PPP1R21: variants seen among roughly 807,000 people sequenced by gnomAD.
The protein encoded by PPP1R21 is KLRAQ motif containing 1.
PPP1R21 carries 85 observed loss-of-function variants against 112.8 expected under a neutral mutation model. The ratio of observed to expected loss-of-function variants is 0.75; its 90% confidence interval spans 0.63 to 0.90. The LOEUF is 0.90. Among genes scored for constraint, PPP1R21 ranks in the 40% least tolerant of loss-of-function variants. The pLI, the probability that PPP1R21 is intolerant of heterozygous loss-of-function variation, is 0.00. For missense variants in PPP1R21, 1,199 were observed against 901.5 expected, an observed-to-expected ratio of 1.33 and a Z score of -4.23; for synonymous variants, 381 against 322.3, an observed-to-expected ratio of 1.18 and a Z score of -1.95.
intron 19 of PPP1R21, among the ~76,000 whole-genome samples, chr2:48,509,054 G>A (rs998572887): frequency 3.9e-5 from 6 of 152,078 alleles, no homozygotes; most frequent in African/African-American, 1.4e-4. Flanking sequence ...AAAGTTTAGT[G>A]AGCCTTTTAA....
chr2:48,508,891 C>T (rs915765917), intron 19 of PPP1R21, among the ~76,000 whole-genome samples: 1 of 152,096 alleles, frequency 6.6e-6, no homozygotes, highest in African/African-American at 2.4e-5. Flanking sequence ...AATTGTGATT[C>T]AAGAATTTTT....
At chr2:48,463,779 A>G (rs1449523443) in intron 7 of PPP1R21, among the ~76,000 whole-genome samples, 1 of 151,936 alleles carries the variant, frequency 6.6e-6, no homozygotes, top group Admixed American at 6.6e-5. Context: ...AGAAGGGCCC[A>G]GGAGGACGGT....
intron 16 of PPP1R21, 83 bp downstream of exon 16, chr2:48,495,854 T>G (rs1309916759): frequency 2.5e-6 from 2 of 794,338 alleles, no homozygotes; most frequent in Non-Finnish European, 4.4e-6. Flanking sequence ...ATACGTAGAA[T>G]GATTCAAAAG....
chr2:48,504,042 G>T (rs1670258063), intron 17 of PPP1R21, among the ~76,000 whole-genome samples: 1 of 151,984 alleles, frequency 6.6e-6, no homozygotes, highest in Non-Finnish European at 1.5e-5. Context: ...TCATAACCCG[G>T]GAGTAAGGGG....
Position 48,452,518 on chromosome 2 carries a change from T to C in PPP1R21, c.126+1442T>C, listed in dbSNP as rs543357000. ...TAAGAATTATAAGCATAATTATATA[T>C]TATAATTATATAATATAAATTATGA... On this transcript the variant is annotated intron_variant, in intron 2 of 21. Coordinates refer to ENST00000294952, the MANE Select transcript of PPP1R21 (RefSeq NM_001135629.3). 2.1e-4 allele frequency among the ~76,000 whole-genome samples: 31 copies of C among 150,216 alleles called. 1 individual carries two copies. Among genetic ancestry groups the C allele is most frequent in the Non-Finnish European group, 2.2e-4 (15 of 67,604 alleles).
intron 16 of PPP1R21, among the ~76,000 whole-genome samples, chr2:48,497,884 C>G (rs1159522157): frequency 1.3e-5 from 2 of 152,084 alleles, no homozygotes; most frequent in African/African-American, 2.4e-5. Context: ...ATCTCCTGAC[C>G]TCGTGATCAG....
At chr2:48,495,570 A>T (rs1185187398) in intron 15 of PPP1R21, 109 bp from the exon 16 acceptor site, 5 of 655,250 alleles carry the variant, frequency 7.6e-6, no homozygotes, top group Non-Finnish European at 1.4e-5. Context: ...GCTTTGACAT[A>T]CATCTGAATT....
chr2:48,490,009 C>A (rs1306885940), intron 14 of PPP1R21, among the ~76,000 whole-genome samples: 4 of 152,108 alleles, frequency 2.6e-5, no homozygotes, highest in African/African-American at 9.6e-5. Context: ...CGTGCCACCG[C>A]CCTCCAGCCT....
At chr2:48,490,921 C>A in intron 14 of PPP1R21, 97 bp from the exon 15 acceptor site, 3 of 1,047,264 alleles carry the variant, frequency 2.9e-6, no homozygotes, top group South Asian at 1.5e-5. Flanking sequence ...CATTTCCATT[C>A]TCAACATCTT....
At chr2:48,479,556 G>C (rs1235630053) in intron 12 of PPP1R21, 1 of 485,196 alleles carries the variant, frequency 2.1e-6, no homozygotes, top group Non-Finnish European at 4.2e-6. Flanking sequence ...GTGATATTTG[G>C]GTAAGAGTGT....
chr2:48,486,255 A>G (rs546294855), intron 13 of PPP1R21, among the ~76,000 whole-genome samples: 1 of 152,148 alleles, frequency 6.6e-6, no homozygotes, highest in Non-Finnish European at 1.5e-5. Flanking sequence ...TGGGTTGTTT[A>G]TATAAATACA....
At chr2:48,474,017 C>T (rs1459667240) in intron 11 of PPP1R21, among the ~76,000 whole-genome samples, 1 of 152,124 alleles carries the variant, frequency 6.6e-6, no homozygotes. Context: ...CTGTTTAATT[C>T]ATTTTCTTTA....
chr2:48,500,132 C>G (rs1049605778), intron 17 of PPP1R21, among the ~76,000 whole-genome samples: 1 of 152,080 alleles, frequency 6.6e-6, no homozygotes, highest in African/African-American at 2.4e-5. Flanking sequence ...CAGATTTTAT[C>G]TTTAGGCCCT....
In PPP1R21 at chr2:48,511,403, T is replaced by A; in HGVS notation, c.2248T>A (p.Cys750Ser). 1 of 1,614,062 alleles carries A rather than the reference T, an allele frequency of 6.2e-7. No individual in the cohort carries two copies. The highest frequency in any genetic ancestry group is 8.5e-7 in the Non-Finnish European group (1 of 1,179,970). ...DQLSMMSDHL[C>S]SMNETLSKQR... is the part of the protein sequence containing the mutation. ...GTTAAGTATGATGAGTGACCACCTG[T>A]GCAGCATGAATGAGACATTATCTAA... is the stretch of plus-strand genomic sequence containing the variant. The change falls in exon 21 of 22, where the codon TGC becomes AGC. Residue 750 changes from cysteine (C) to serine (S), a missense_variant. Physicochemically the swap from Cys to Ser is moderately radical, Grantham distance 112 (BLOSUM62 -1). Transcript: ENST00000294952.
At chr2:48,475,627 C>T (rs868291850) in intron 12 of PPP1R21, among the ~76,000 whole-genome samples, 1 of 152,124 alleles carries the variant, frequency 6.6e-6, no homozygotes, top group African/African-American at 2.4e-5. Context: ...GTGGGCAGAT[C>T]ACCTGAGGTT....
chr2:48,462,683 G>GTTC (rs1028145602), intron 7 of PPP1R21, among the ~76,000 whole-genome samples: 3 of 152,180 alleles, frequency 2.0e-5, no homozygotes, highest in African/African-American at 7.2e-5. Flanking sequence ...GGACCCTAGT[G>GTTC]TTCTGGTCTA....
chr2:48,473,911 C>G (rs372704559), intron 11 of PPP1R21, among the ~76,000 whole-genome samples: 1 of 152,126 alleles, frequency 6.6e-6, no homozygotes, highest in African/African-American at 2.4e-5. Flanking sequence ...ATTTGAGCCT[C>G]TAGATTGTAA....
chr2:48,498,649 C>T lies in PPP1R21; in HGVS notation c.1849C>T (p.Gln617Ter). 1 of 1,614,206 alleles carries T rather than the reference C, an allele frequency of 6.2e-7. No individual in the cohort carries two copies. Among genetic ancestry groups the T allele is most frequent in the Non-Finnish European group, 8.5e-7 (1 of 1,180,040 alleles). ...TGSAQLVGLA[Q>*]ENAAVSNTAG... ...TAGTGCCCAGCTGGTTGGGCTGGCCCAGGAAAATGCTGCTGTGTCAAATAC... is the reference window on the plus strand; with the variant it reads ...TAGTGCCCAGCTGGTTGGGCTGGCCTAGGAAAATGCTGCTGTGTCAAATAC... The change falls in exon 17 of 22, where the codon CAG becomes TAG. Residue 617 changes from glutamine to a stop codon, truncating the protein, a stop_gained. Coordinates refer to ENST00000294952, the MANE Select transcript of PPP1R21 (RefSeq NM_001135629.3). LOFTEE classifies it high-confidence loss of function.
chr2:48,473,513 G>A (rs756662424), intron 11 of PPP1R21, among the ~76,000 whole-genome samples: 4 of 152,146 alleles, frequency 2.6e-5, no homozygotes, highest in Non-Finnish European at 4.4e-5. Context: ...CTTTTGGAAT[G>A]TTCTGTCCCA....
Sources: gnomAD v4.1 joint callset for allele counts (sites outside exome capture counted in the v4.1 genomes callset) on GRCh38, gnomAD v4.1.1 for gene constraint, MANE v1.5 for transcripts, NCBI Gene and HGNC (gene_info 2026-07-23, HGNC 2026-07-21) for gene names.